Variants in TRAPPC9 observed in about 807,000 individuals in gnomAD.
TRAPPC9 encodes IKK2 binding protein.
A neutral mutation model predicts 124.0 loss-of-function variants in TRAPPC9; 83 were observed. The ratio of observed to expected loss-of-function variants is 0.67; its 90% CI spans 0.56 to 0.80. The LOEUF is 0.80. Ranked by LOEUF, TRAPPC9 falls within the 30% of genes least tolerant of loss-of-function variation. The probability of loss-of-function intolerance (pLI) is 0.00; values close to 1 mark genes in which losing one functional copy is unlikely to be tolerated. For synonymous variants in TRAPPC9, 638 were observed against 617.5 expected (o/e 1.03, Z -0.49); for missense variants, 1,302 against 1,508.3 (o/e 0.86, Z 2.27).
chr8:139,932,174 G>A, intron 19 of TRAPPC9: 1 of 392,218 alleles, frequency 2.5e-6, no homozygotes, highest in South Asian at 1.9e-5. Flanking sequence ...TGACCTTACA[G>A]GGAGGAACAA....
chr8:139,982,040 G>A (rs557658699), intron 19 of TRAPPC9, among the ~76,000 whole-genome samples: 20 of 152,182 alleles, frequency 1.3e-4, no homozygotes, highest in Non-Finnish European at 2.6e-4. Flanking sequence ...TTATAAAGAG[G>A]TTTATGCATA....
intron 21 of TRAPPC9, among the ~76,000 whole-genome samples, chr8:139,787,301 G>T (rs926775050): frequency 6.6e-6 from 1 of 152,132 alleles, no homozygotes; most frequent in South Asian, 2.1e-4. Flanking sequence ...AGCCTGAGCG[G>T]GGAGGGGTGG....
chr8:140,054,300 G>A (rs1447543953), intron 17 of TRAPPC9, among the ~76,000 whole-genome samples: 4 of 152,148 alleles, frequency 2.6e-5, no homozygotes, highest in African/African-American at 4.8e-5. Flanking sequence ...ACCTGCACAT[G>A]TATCTCCTGA....
intron 3 of TRAPPC9, 94 bp from the exon 4 acceptor site, chr8:140,435,334 T>C: frequency 6.8e-7 from 1 of 1,471,982 alleles, no homozygotes. Flanking sequence ...TAGCTCAAAC[T>C]GCAGTAACTA....
chr8:139,935,669 CTTT>C (rs377706417), intron 19 of TRAPPC9, among the ~76,000 whole-genome samples: 91,149 of 132,598 alleles, frequency 0.69, 30,779 homozygotes, highest in East Asian at 0.75. Flanking sequence ...TCAGTCTTTG[CTTT>C]TTTTTTTTTT....
At chr8:140,208,902 C>T (rs2062990867) in intron 17 of TRAPPC9, among the ~76,000 whole-genome samples, 1 of 152,176 alleles carries the variant, frequency 6.6e-6, no homozygotes, top group African/African-American at 2.4e-5. Flanking sequence ...TTTGCAGGGC[C>T]AACTTTTCAT....
intron 5 of TRAPPC9, among the ~76,000 whole-genome samples, chr8:140,423,945 A>G (rs2070331349): frequency 6.6e-6 from 1 of 152,180 alleles, no homozygotes; most frequent in Non-Finnish European, 1.5e-5. Flanking sequence ...GAAAGAAAAT[A>G]GCTTACTAGT....
chr8:140,333,444 G>A (rs1334670260), intron 9 of TRAPPC9, among the ~76,000 whole-genome samples: 3 of 152,202 alleles, frequency 2.0e-5, no homozygotes, highest in Non-Finnish European at 4.4e-5. Flanking sequence ...CCAGGCTGGA[G>A]TGCAATGGTG....
intron 17 of TRAPPC9, among the ~76,000 whole-genome samples, chr8:140,198,486 A>G (rs1563838862): frequency 6.6e-6 from 1 of 151,930 alleles, no homozygotes; most frequent in Non-Finnish European, 1.5e-5. Flanking sequence ...CCCACCCAGG[A>G]ACCAACTCAG....
In TRAPPC9 at chr8:139,746,287, G is replaced by A. The variant is rs375200666; in HGVS notation, c.3056-14085C>T. On this transcript the variant is annotated intron_variant, in intron 21 of 22. Transcript: ENST00000438773. ...TCGCGTTTCCTCCTGGGCACAGACT[G>A]CAGCCCCTCTCCAAGGGAGTGAGTT... 1.1e-4 allele frequency among the ~76,000 whole-genome samples: 16 copies of A among 152,210 alleles called. No individual in the cohort carries two copies. In the East Asian group the frequency reaches 1.2e-3, roughly 11 times the overall value.
chr8:139,858,887 G>A (rs957232116), intron 21 of TRAPPC9, among the ~76,000 whole-genome samples: 17 of 149,606 alleles, frequency 1.1e-4, no homozygotes, highest in African/African-American at 3.7e-4. Flanking sequence ...AACACGCCTC[G>A]CATAAGTCCC....
intron 15 of TRAPPC9, among the ~76,000 whole-genome samples, chr8:140,266,808 C>T (rs545811413): frequency 6.3e-4 from 95 of 151,994 alleles, no homozygotes; most frequent in Non-Finnish European, 1.1e-3. Context: ...TGCAGTGAGC[C>T]GAGATCGCGC....
At chr8:140,422,957 T>C (rs1355336286) in intron 5 of TRAPPC9, among the ~76,000 whole-genome samples, 1 of 152,114 alleles carries the variant, frequency 6.6e-6, no homozygotes, top group Non-Finnish European at 1.5e-5. Context: ...TCCACCAGGA[T>C]GGCCACAATC....
At chr8:140,387,838 T>C (rs2068797346) in intron 7 of TRAPPC9, among the ~76,000 whole-genome samples, 1 of 152,094 alleles carries the variant, frequency 6.6e-6, no homozygotes, top group Non-Finnish European at 1.5e-5. Flanking sequence ...GATCTAGAAC[T>C]AGAAATACCA....
chr8:140,150,604 C>G (rs1187939349), intron 17 of TRAPPC9, among the ~76,000 whole-genome samples: 2 of 152,136 alleles, frequency 1.3e-5, no homozygotes, highest in African/African-American at 4.8e-5. Flanking sequence ...TAGTAGCAGG[C>G]AGGAGCTGGA....
At chr8:140,458,352 C>T, upstream of TRAPPC9, 1 of 1,592,390 alleles carries the variant, frequency 6.3e-7, no homozygotes, top group Non-Finnish European at 8.5e-7. Flanking sequence ...CCGCGGAAGC[C>T]CACTGTGGAT....
At chr8:140,138,090 C>A (rs2061332313) in intron 17 of TRAPPC9, among the ~76,000 whole-genome samples, 1 of 152,192 alleles carries the variant, frequency 6.6e-6, no homozygotes, top group Non-Finnish European at 1.5e-5. Context: ...CACTTAAGGT[C>A]AGGAGTTTGA....
chr8:140,334,901 AGGAAACAG>A (rs913846474), intron 9 of TRAPPC9, among the ~76,000 whole-genome samples: 14 of 152,100 alleles, frequency 9.2e-5, no homozygotes, highest in Admixed American at 9.2e-4. Flanking sequence ...TCTTAATAAC[AGGAAACAG>A]GGAAAGTACA....
chr8:140,006,524 A>C (rs374258284), intron 18 of TRAPPC9, among the ~76,000 whole-genome samples: 1 of 152,366 alleles, frequency 6.6e-6, no homozygotes, highest in South Asian at 2.1e-4. Flanking sequence ...AAATGAAAAC[A>C]TGCATCCACA....
Sources: allele counts gnomAD v4.1 joint callset (sites outside exome capture counted in the v4.1 genomes callset), GRCh38; gene constraint gnomAD v4.1.1; transcripts MANE v1.5; gene names NCBI Gene and HGNC (gene_info 2026-07-23, HGNC 2026-07-21).